Variants in KLHL18 observed in about 807,000 individuals in gnomAD.
KLHL18 encodes kelch-like protein 18.
Under a neutral mutation model 58.5 loss-of-function variants are expected in KLHL18, and 38 were observed. The ratio of observed to expected loss-of-function variants is 0.65; its 90% CI spans 0.50 to 0.85. KLHL18 has a LOEUF of 0.85. KLHL18 is among the 40% of genes least tolerant of loss of function. The pLI is 0.00. For synonymous variants in KLHL18, 303 were observed against 301.9 expected, an observed-to-expected ratio of 1.00 and a Z score of -0.04; for missense variants, 624 against 778.4, an observed-to-expected ratio of 0.80 and a Z score of 2.36.
chr3:47,319,553 T>A, intron 1 of KLHL18, 100 bp from the exon 2 acceptor site: 1 of 1,322,734 alleles, frequency 7.6e-7, no homozygotes, highest in South Asian at 1.3e-5. Context: ...CAGTGGGGTA[T>A]GCTGTGGAGC....
rs549850792 is a variant in KLHL18 at position 47,336,159 on chromosome 3, C to T, written c.899-376C>T. 6.3e-4 allele frequency among the ~76,000 whole-genome samples: 96 copies of T among 152,268 alleles called. 1 individual carries two copies. In the South Asian group the frequency reaches 0.015, roughly 23 times the overall value. ...GAAGCAGAGGGTGGGGACACAAAGC[C>T]CCTTGCCTTGGGTCACCCCCTAGCA... On this transcript the variant is annotated intron_variant, in intron 6 of 9. Transcript: ENST00000232766.
At chr3:47,310,667 CCTT>C (rs1398505213) in intron 1 of KLHL18, among the ~76,000 whole-genome samples, 1 of 152,210 alleles carries the variant, frequency 6.6e-6, no homozygotes, top group East Asian at 1.9e-4. Flanking sequence ...CTGACTTTGT[CCTT>C]CTCTGTCGTT....
At chr3:47,316,471 ATG>A in intron 1 of KLHL18, among the ~76,000 whole-genome samples, 1 of 115,772 alleles carries the variant, frequency 8.6e-6, no homozygotes, top group East Asian at 2.4e-4. Context: ...ATATATATAT[ATG>A]TATATATATA....
chr3:47,286,115 C>G (rs1425075215), intron 1 of KLHL18, among the ~76,000 whole-genome samples: 1 of 151,596 alleles, frequency 6.6e-6, no homozygotes, highest in Non-Finnish European at 1.5e-5. Context: ...CTTCAGGGAT[C>G]TAGAACATAA....
intron 1 of KLHL18, among the ~76,000 whole-genome samples, chr3:47,284,244 C>A: frequency 6.6e-6 from 1 of 150,922 alleles, no homozygotes; most frequent in Non-Finnish European, 1.5e-5. Flanking sequence ...CTATTTCTCT[C>A]TGTCTCTCTC....
chr3:47,331,329 G>A (rs1403473494), intron 4 of KLHL18, among the ~76,000 whole-genome samples: 3 of 150,118 alleles, frequency 2.0e-5, no homozygotes, highest in Admixed American at 6.6e-5. Context: ...GTTTCACCAC[G>A]TTGGCCAGGC....
At chr3:47,337,723 C>T (rs1704017413) in intron 7 of KLHL18, 1 of 152,206 alleles carries the variant, frequency 6.6e-6, no homozygotes, top group South Asian at 2.1e-4. Context: ...GGAGTAGGTT[C>T]CTTTGGGAAG....
chr3:47,340,786 C>G, intron 8 of KLHL18, 110 bp downstream of exon 8: 1 of 1,244,644 alleles, frequency 8.0e-7, no homozygotes. Flanking sequence ...AATGTCTTAC[C>G]TTTTTGCCCG....
In KLHL18 at chr3:47,343,979, CA is replaced by C; in HGVS notation, c.*39del. Reference sequence around the variant, plus strand: ...GATGTGGTGGGGCAGGGATCTGGTACAGACATAGGCGCTTCCTTCCAGGAAC... The same window carrying C: ...GATGTGGTGGGGCAGGGATCTGGTACGACATAGGCGCTTCCTTCCAGGAAC... On this transcript the variant is annotated 3_prime_UTR_variant, in exon 10 of 10. Transcript: ENST00000232766. 1 of 1,596,308 alleles carries C rather than the reference CA, an allele frequency of 6.3e-7. No homozygotes were observed. The highest frequency in any genetic ancestry group is 8.5e-7 in the Non-Finnish European group (1 of 1,176,460).
chr3:47,318,196 A>G (rs1703501401), intron 1 of KLHL18, among the ~76,000 whole-genome samples: 1 of 152,176 alleles, frequency 6.6e-6, no homozygotes, highest in Non-Finnish European at 1.5e-5. Flanking sequence ...ACAAGTATTT[A>G]TTATCTCACA....
chr3:47,296,198 C>T (rs1702893472), intron 1 of KLHL18, among the ~76,000 whole-genome samples: 1 of 152,206 alleles, frequency 6.6e-6, no homozygotes, highest in Non-Finnish European at 1.5e-5. Flanking sequence ...CACATTGGTC[C>T]TACTCCCCTT....
At chr3:47,337,090 AG>A (rs1489496697) in intron 7 of KLHL18, 4 of 277,188 alleles carry the variant, frequency 1.4e-5, no homozygotes, top group Non-Finnish European at 2.8e-5. Context: ...GGAAGATTTC[AG>A]GGAAGAGGTG....
intron 1 of KLHL18, among the ~76,000 whole-genome samples, chr3:47,313,028 GC>G (rs1703339665): frequency 6.7e-6 from 1 of 150,062 alleles, no homozygotes; most frequent in Admixed American, 6.7e-5. Flanking sequence ...TCCTGCCTCA[GC>G]CTCCTGAGTA....
At chr3:47,287,457 G>A (rs1375406626) in intron 1 of KLHL18, 1 of 2,810 alleles carries the variant, frequency 3.6e-4, no homozygotes, top group East Asian at 0.045. Context: ...TCAGTAGTGT[G>A]TGTGTGTGTG....
chr3:47,344,253 TG>T lies in KLHL18; in HGVS notation c.*315del, dbSNP rs1237892942. 2.5e-6 allele frequency: 1 copy of T among 396,300 alleles called. No individual in the cohort carries two copies. Among genetic ancestry groups the T allele is most frequent in the African/African-American group, 2.1e-5 (1 of 47,866 alleles). 24.5% of individuals were successfully genotyped at this position (396,300 alleles called of 1,614,324 possible). A position where few individuals can be genotyped will look rare whatever the true frequency, so the allele number is the denominator to read the frequency against. On this transcript the variant is annotated 3_prime_UTR_variant, in exon 10 of 10. Coordinates refer to ENST00000232766, the MANE Select transcript of KLHL18 (RefSeq NM_025010.5). ...CCAGCTCCTACCCACCGCCTCTCTG[TG>T]GGCCAGCTGTTCACAGAAGGCCTTC...
intron 1 of KLHL18, among the ~76,000 whole-genome samples, chr3:47,300,869 C>T (rs942378852): frequency 2.0e-5 from 3 of 152,036 alleles, no homozygotes; most frequent in Non-Finnish European, 4.4e-5. Flanking sequence ...GAACTCCTGA[C>T]CTCAGGTGAT....
rs1346217512 is a variant in KLHL18, at chr3:47,336,884, C to T, written c.1121+127C>T. 2.6e-5 allele frequency: 18 copies of T among 704,746 alleles called. No homozygotes were observed. The Admixed American group carries it at 4.4e-4, about 17-fold the overall frequency. 43.7% of individuals were successfully genotyped at this position (704,746 alleles called of 1,614,324 possible). Reference sequence around the variant, plus strand: ...GGCCTGGGAGTTTCCTGCAGCCAGGCCAGCCACTGCCAGTACCTCCTGGGA... The same window carrying T: ...GGCCTGGGAGTTTCCTGCAGCCAGGTCAGCCACTGCCAGTACCTCCTGGGA... On this transcript the variant is annotated intron_variant, in intron 7 of 9. Coordinates refer to ENST00000232766, the MANE Select transcript of KLHL18 (RefSeq NM_025010.5).
At chr3:47,315,512 A>T (rs899666881) in intron 1 of KLHL18, among the ~76,000 whole-genome samples, 5 of 152,212 alleles carry the variant, frequency 3.3e-5, no homozygotes, top group African/African-American at 1.2e-4. Flanking sequence ...AGTTTCCAGA[A>T]TATCTGTAGG....
At chr3:47,296,261 G>A (rs1702894817) in intron 1 of KLHL18, among the ~76,000 whole-genome samples, 1 of 152,180 alleles carries the variant, frequency 6.6e-6, no homozygotes, top group African/African-American at 2.4e-5. Context: ...CCCTCTAGAT[G>A]TTGAACTCCT....
Sources: gnomAD v4.1 joint callset for allele counts (sites outside exome capture counted in the v4.1 genomes callset) on GRCh38, gnomAD v4.1.1 for gene constraint, MANE v1.5 for transcripts, NCBI Gene and HGNC (gene_info 2026-07-23, HGNC 2026-07-21) for gene names.